Variants in TNRC6A observed in about 807,000 individuals in gnomAD.
The protein encoded by TNRC6A is trinucleotide repeat containing adaptor 6A, also known as trinucleotide repeat-containing gene 6A protein.
Under a neutral mutation model 221.2 loss-of-function variants are expected in TNRC6A, and 44 were observed. The ratio of observed to expected loss-of-function variants is 0.20; its 90% CI spans 0.16 to 0.26. The LOEUF is 0.26. TNRC6A is among the 10% of genes least tolerant of loss of function. The probability of loss-of-function intolerance (pLI) is 1.00; values close to 1 mark genes in which losing one functional copy is unlikely to be tolerated. For synonymous variants in TNRC6A, 847 were observed against 838.5 expected (o/e 1.01, Z -0.18); for missense variants, 2,199 against 2,404.4 (o/e 0.91, Z 1.79).
chr16:24,807,967 C>G (rs753439488), intron 17 of TNRC6A, among the ~76,000 whole-genome samples: 17 of 152,188 alleles, frequency 1.1e-4, no homozygotes, highest in Non-Finnish European at 1.9e-4. Context: ...TTGGCTCAGC[C>G]TGGTATTACC....
intron 2 of TNRC6A, among the ~76,000 whole-genome samples, chr16:24,705,814 G>A (rs1286210943): frequency 2.6e-5 from 4 of 152,090 alleles, no homozygotes; most frequent in Admixed American, 2.6e-4. Flanking sequence ...CAGGAACAGG[G>A]TAAGAGAAAT....
chr16:24,736,288 G>C (rs796832723), intron 2 of TNRC6A, among the ~76,000 whole-genome samples: 9 of 152,262 alleles, frequency 5.9e-5, no homozygotes, highest in South Asian at 2.1e-4. Context: ...GTTCTATCGT[G>C]ACATTGCACA....
intron 4 of TNRC6A, among the ~76,000 whole-genome samples, chr16:24,771,934 G>A (rs910838740): frequency 1.6e-4 from 24 of 152,184 alleles, no homozygotes; most frequent in African/African-American, 4.8e-4. Context: ...GCAGTGTTAC[G>A]AAATATAGTC....
At chr16:24,731,469 T>C (rs2056640555) in intron 2 of TNRC6A, among the ~76,000 whole-genome samples, 1 of 152,224 alleles carries the variant, frequency 6.6e-6, no homozygotes, top group African/African-American at 2.4e-5. Context: ...AGTAAGGGAT[T>C]CTCTGTTACT....
intron 2 of TNRC6A, among the ~76,000 whole-genome samples, chr16:24,674,042 G>T (rs547392857): frequency 6.6e-6 from 1 of 152,190 alleles, no homozygotes; most frequent in Non-Finnish European, 1.5e-5. Flanking sequence ...AAAGGGAGCT[G>T]GGAACCATTG....
chr16:24,721,697 C>T (rs2056413119), intron 2 of TNRC6A, among the ~76,000 whole-genome samples: 1 of 152,078 alleles, frequency 6.6e-6, no homozygotes, highest in South Asian at 2.1e-4. Flanking sequence ...GTCCCAGCTA[C>T]TCGTGAGGCT....
chr16:24,820,490 C>T (rs2058746405), intron 22 of TNRC6A, 130 bp downstream of exon 22: 3 of 793,404 alleles, frequency 3.8e-6, no homozygotes, highest in Admixed American at 2.4e-5. Context: ...ATGAGAACTT[C>T]GGTAAACAAA....
At chr16:24,784,068 C>G (rs2057912744) in intron 5 of TNRC6A, among the ~76,000 whole-genome samples, 1 of 152,174 alleles carries the variant, frequency 6.6e-6, no homozygotes, top group African/African-American at 2.4e-5. Context: ...GTGGTGCGAT[C>G]TCGACTCACT....
At chr16:24,645,627 TC>T (rs1431669092) in intron 2 of TNRC6A, among the ~76,000 whole-genome samples, 4 of 151,876 alleles carry the variant, frequency 2.6e-5, no homozygotes, top group Non-Finnish European at 4.4e-5. Flanking sequence ...CTAAAGTTTG[TC>T]AATATCAACA....
chr16:24,823,853 A>G lies in TNRC6A; in HGVS notation c.*46A>G. 1 of 1,367,812 alleles carries G rather than the reference A, an allele frequency of 7.3e-7. No individual in the cohort carries two copies. The highest frequency in any genetic ancestry group is 2.8e-5 in the East Asian group (1 of 36,194). The allele number at this position is 1,367,812 out of a possible 1,614,324, so 84.7% of individuals were successfully genotyped here. On this transcript the variant is annotated 3_prime_UTR_variant, in exon 25 of 25. Coordinates refer to ENST00000395799, the MANE Select transcript of TNRC6A (RefSeq NM_014494.4). This position sits in a 1 kb window ranked among gnomAD's most constrained non-coding sequence, Gnocchi z 4.3. Reference sequence around the variant, plus strand: ...CGACCGGGACCTCAGACGCGAGGGAAAGGAGCACTAAGTGGGGCTCGCCGC... The same window carrying G: ...CGACCGGGACCTCAGACGCGAGGGAGAGGAGCACTAAGTGGGGCTCGCCGC...
chr16:24,767,520 A>G (rs950771959), intron 4 of TNRC6A, among the ~76,000 whole-genome samples: 3 of 152,186 alleles, frequency 2.0e-5, no homozygotes, highest in Non-Finnish European at 4.4e-5. Context: ...TATTTTATCT[A>G]TTTTATCAAA....
intron 8 of TNRC6A, among the ~76,000 whole-genome samples, chr16:24,795,103 AC>A (rs1345751830): frequency 1.3e-5 from 2 of 151,978 alleles, no homozygotes; most frequent in Non-Finnish European, 2.9e-5. Flanking sequence ...CCACCCGCTT[AC>A]CCAGAGTCAC....
chr16:24,678,302 C>A (rs111854449), intron 2 of TNRC6A, among the ~76,000 whole-genome samples: 9 of 147,896 alleles, frequency 6.1e-5, no homozygotes, highest in African/African-American at 2.0e-4. Context: ...TAGAGTGAGA[C>A]CCTGTCTCAA....
Position 24,758,334 on chromosome 16 carries a change from T to G in TNRC6A, c.142-5T>G. On this transcript the variant is annotated splice_polypyrimidine_tract_variant and splice_region_variant and intron_variant, in intron 3 of 24. Transcript: ENST00000395799. ...TTGTTTTTTGTTTGTTTGTTTTTAT[T>G]TTAGGCCACTGAACAAAAAATCAAA... 1 of 1,608,746 alleles carries G rather than the reference T, an allele frequency of 6.2e-7. No homozygotes were observed. Among genetic ancestry groups the G allele is most frequent in the Non-Finnish European group, 8.5e-7 (1 of 1,175,768 alleles).
chr16:24,797,555 A>C lies in TNRC6A; in HGVS notation c.3627A>C (p.Ser1209=). 6.2e-7 allele frequency: 1 copy of C among 1,611,612 alleles called. No homozygotes were observed. Among genetic ancestry groups the C allele is most frequent in the Non-Finnish European group, 8.5e-7 (1 of 1,179,202 alleles). ...AWINPFVKQF[S]NISFSRDSPE... The stretch of plus-strand genomic sequence containing the variant: ...TAAATCCATTTGTTAAACAGTTTTC[A>C]AACATCAGTTTTTCGGTAAGTATGT... The change falls in exon 10 of 25, where the codon TCA becomes TCC. Residue 1209 remains serine (S), a synonymous_variant. Coordinates refer to ENST00000395799, the MANE Select transcript of TNRC6A (RefSeq NM_014494.4).
chr16:24,667,966 A>G (rs1431617340), intron 2 of TNRC6A, among the ~76,000 whole-genome samples: 2 of 152,182 alleles, frequency 1.3e-5, no homozygotes, highest in Non-Finnish European at 2.9e-5. Flanking sequence ...TTGAGGCTGC[A>G]GGGAGCTAGG....
At chr16:24,819,507 C>CTTTTTTTTTTTTTTTTTTTTTTTTTT (rs71383722) in intron 21 of TNRC6A, 1 of 81,996 alleles carries the variant, frequency 1.2e-5, no homozygotes, top group Non-Finnish European at 2.8e-5. Flanking sequence ...CTTTTTCTTT[C>CTTTTTTTTTTTTTTTTTTTTTTTTTT]TTTTTTTTTT....
chr16:24,797,916 G>A lies in TNRC6A; in HGVS notation c.3644G>A (p.Arg1215Lys). ...ACATGCTGCATTTTCTTTCTTCAGAGAGACTCACCAGAGGAAAATGTACAA... is the reference window on the plus strand; with the variant it reads ...ACATGCTGCATTTTCTTTCTTCAGAAAGACTCACCAGAGGAAAATGTACAA... ...VKQFSNISFS[R>K]DSPEENVQSN... The change falls in exon 11 of 25, where the codon AGA becomes AAA. Residue 1215 changes from arginine to lysine, a missense_variant and splice_region_variant. Physicochemically the swap from Arg to Lys is conservative, Grantham distance 26. Coordinates refer to ENST00000395799, the MANE Select transcript of TNRC6A (RefSeq NM_014494.4). 1 of 1,608,128 alleles carries A rather than the reference G, an allele frequency of 6.2e-7. No homozygotes were observed. The highest frequency in any genetic ancestry group is 2.2e-5 in the East Asian group (1 of 44,772).
intron 2 of TNRC6A, among the ~76,000 whole-genome samples, chr16:24,654,894 T>G (rs1272207701): frequency 2.0e-5 from 3 of 152,112 alleles, no homozygotes; most frequent in Non-Finnish European, 4.4e-5. Context: ...GAATATTATT[T>G]CACGGTAGAT....
Sources: allele counts gnomAD v4.1 joint callset (sites outside exome capture counted in the v4.1 genomes callset), GRCh38; gene constraint gnomAD v4.1.1; non-coding constraint Gnocchi (gnomAD v3.1); transcripts MANE v1.5; gene names NCBI Gene and HGNC (gene_info 2026-07-23, HGNC 2026-07-21).